RALYL: variants seen among roughly 807,000 people sequenced by gnomAD.
The protein encoded by RALYL is RALY RNA binding protein like, also known as RNA-binding Raly-like protein.
In RALYL, 29 loss-of-function variants were observed where a neutral mutation model predicts 35.1. That is an observed-to-expected ratio of 0.83 (90% CI 0.61 to 1.13). RALYL has a LOEUF of 1.13. RALYL is among the 50% of genes most tolerant of loss of function. The probability of loss-of-function intolerance (pLI) is 0.00; values close to 1 mark genes in which losing one functional copy is unlikely to be tolerated. For synonymous variants in RALYL, 120 were observed against 127.6 expected (o/e 0.94, Z 0.40); for missense variants, 359 against 360.4 (o/e 1.00, Z 0.03).
chr8:84,859,844 C>CA (rs1219868886), intron 5 of RALYL, among the ~76,000 whole-genome samples: 1 of 151,210 alleles, frequency 6.6e-6, no homozygotes, highest in Non-Finnish European at 1.5e-5. Flanking sequence ...CACTCTGTCT[C>CA]AAAAAAACAA....
chr8:84,445,481 A>C (rs1335623241), intron 1 of RALYL, among the ~76,000 whole-genome samples: 2 of 151,926 alleles, frequency 1.3e-5, no homozygotes, highest in Non-Finnish European at 2.9e-5. Context: ...TTTTACTTTT[A>C]AACTTTAGTA....
chr8:84,838,299 G>A (rs1160797196), intron 4 of RALYL, among the ~76,000 whole-genome samples: 1 of 152,172 alleles, frequency 6.6e-6, no homozygotes, highest in Admixed American at 6.5e-5. Flanking sequence ...ATAGAATCTG[G>A]AAAGAGAGAA....
intron 1 of RALYL, among the ~76,000 whole-genome samples, chr8:84,408,046 A>T (rs2043726207): frequency 1.3e-5 from 2 of 152,118 alleles, no homozygotes; most frequent in African/African-American, 4.8e-5. Flanking sequence ...AACCAAGAAT[A>T]AGAACGCTAT....
intron 2 of RALYL, among the ~76,000 whole-genome samples, chr8:84,580,683 G>T (rs1047861316): frequency 6.6e-6 from 1 of 152,076 alleles, no homozygotes; most frequent in Admixed American, 6.6e-5. Flanking sequence ...CTCCTTTCGG[G>T]CTAAACAATG....
At chr8:84,648,975 A>G (rs1828099718) in intron 2 of RALYL, among the ~76,000 whole-genome samples, 2 of 151,948 alleles carry the variant, frequency 1.3e-5, no homozygotes, top group Admixed American at 1.3e-4. Flanking sequence ...CTTTAAGCAT[A>G]ACACCACATG....
At chr8:84,289,859 A>G (rs886257334) in intron 1 of RALYL, among the ~76,000 whole-genome samples, 4 of 152,154 alleles carry the variant, frequency 2.6e-5, no homozygotes, top group African/African-American at 9.6e-5. Context: ...GAAAATCTGT[A>G]TTGTACCAAG....
intron 1 of RALYL, among the ~76,000 whole-genome samples, chr8:84,243,251 T>TGCC (rs1468057627): frequency 6.6e-6 from 1 of 152,176 alleles, no homozygotes; most frequent in Non-Finnish European, 1.5e-5. Flanking sequence ...GGTAGCATGA[T>TGCC]GCCTCCAGCG....
At chr8:84,854,212 G>T (rs187898625) in intron 5 of RALYL, among the ~76,000 whole-genome samples, 1 of 152,120 alleles carries the variant, frequency 6.6e-6, no homozygotes, top group South Asian at 2.1e-4. Context: ...CAGGTCTGGT[G>T]GTGGGCGCCT....
intron 8 of RALYL, among the ~76,000 whole-genome samples, chr8:84,910,788 A>G (rs886279541): frequency 1.3e-5 from 2 of 151,858 alleles, no homozygotes; most frequent in East Asian, 1.9e-4. Context: ...TACCTTTGCT[A>G]TAGGAAAAAT....
In RALYL at chr8:84,766,649, G is replaced by A. The variant is rs747177045; in HGVS notation, c.257-7930G>A. Among the ~76,000 whole-genome samples, 8 of 144,524 alleles carry A rather than the reference G, an allele frequency of 5.5e-5. No individual in the cohort carries two copies. The East Asian group carries it at 6.1e-4, about 11-fold the overall frequency. The allele number at this position is 144,524 out of a possible 152,430, so 94.8% of individuals were successfully genotyped here. ...TGTGGCAGGAGAATAGCTTGAACCCGAGAGGCAGAGGTTGCAGTGAGCTGA... is the reference window on the plus strand; with the variant it reads ...TGTGGCAGGAGAATAGCTTGAACCCAAGAGGCAGAGGTTGCAGTGAGCTGA... On this transcript the variant is annotated intron_variant, in intron 2 of 8. Transcript: ENST00000521268.
chr8:84,780,494 A>G (rs909560166), intron 3 of RALYL, among the ~76,000 whole-genome samples: 1 of 152,238 alleles, frequency 6.6e-6, no homozygotes, highest in Non-Finnish European at 1.5e-5. Flanking sequence ...TCTCTAATTC[A>G]GAAATCTCCA....
intron 1 of RALYL, among the ~76,000 whole-genome samples, chr8:84,433,360 A>C (rs1175365669): frequency 1.3e-5 from 2 of 151,944 alleles, no homozygotes; most frequent in Non-Finnish European, 1.5e-5. Flanking sequence ...TATTTTCTTT[A>C]TGTATGTAGA....
At chr8:84,425,175 C>A (rs981082351) in intron 1 of RALYL, among the ~76,000 whole-genome samples, 5 of 152,184 alleles carry the variant, frequency 3.3e-5, no homozygotes, top group African/African-American at 1.2e-4. Flanking sequence ...AGTTTGATCT[C>A]AGACTGCTGT....
At chr8:84,655,015 A>C (rs1385025829) in intron 2 of RALYL, among the ~76,000 whole-genome samples, 1 of 152,086 alleles carries the variant, frequency 6.6e-6, no homozygotes, top group East Asian at 1.9e-4. Flanking sequence ...GGAACCTCCA[A>C]ACTGTTCTTC....
intron 1 of RALYL, among the ~76,000 whole-genome samples, chr8:84,326,267 T>G (rs912418145): frequency 2.6e-5 from 4 of 152,190 alleles, no homozygotes; most frequent in African/African-American, 9.6e-5. Flanking sequence ...ACATTCCACT[T>G]ATTTATTCCT....
intron 1 of RALYL, among the ~76,000 whole-genome samples, chr8:84,462,580 A>G (rs1037945571): frequency 3.3e-5 from 5 of 149,730 alleles, no homozygotes; most frequent in Non-Finnish European, 7.4e-5. Context: ...TGTGAAAGGA[A>G]TAAAGTATGT....
chr8:84,755,441 T>A (rs1305841373), intron 2 of RALYL, among the ~76,000 whole-genome samples: 1 of 152,204 alleles, frequency 6.6e-6, no homozygotes, highest in Non-Finnish European at 1.5e-5. Flanking sequence ...CTTTTGTTCA[T>A]ATTTGCTGTA....
chr8:84,786,640 T>C (rs946771922), intron 3 of RALYL, among the ~76,000 whole-genome samples: 7 of 152,206 alleles, frequency 4.6e-5, no homozygotes, highest in Admixed American at 1.3e-4. Context: ...TTGAGAAGTG[T>C]CTGTTCATGT....
At chr8:84,688,814 C>A (rs1042139958) in intron 2 of RALYL, among the ~76,000 whole-genome samples, 2 of 152,036 alleles carry the variant, frequency 1.3e-5, no homozygotes, top group East Asian at 1.9e-4. Context: ...AAAATATTTG[C>A]AAACAATACA....
Sources: allele counts gnomAD v4.1 joint callset (sites outside exome capture counted in the v4.1 genomes callset), GRCh38; gene constraint gnomAD v4.1.1; transcripts MANE v1.5; gene names NCBI Gene and HGNC (gene_info 2026-07-23, HGNC 2026-07-21).